The following ZNF814 variants were observed in gnomAD, a reference collection of about 807,000 sequenced individuals.
ZNF814 encodes the protein zinc finger protein 814.
Under a neutral mutation model 7.5 loss-of-function variants are expected in ZNF814, and 5 were observed. The observed-to-expected ratio is 0.67, with a 90% CI of 0.35 to 1.40. The LOEUF (loss-of-function observed/expected upper bound fraction) is 1.40. Ranked by LOEUF, ZNF814 falls within the 40% of genes most tolerant of loss-of-function variation. The pLI is 0.04. For synonymous variants in ZNF814, 315 were observed against 340.7 expected, an observed-to-expected ratio of 0.92 and a Z score of 0.83; for missense variants, 962 against 1,018.0, an observed-to-expected ratio of 0.94 and a Z score of 0.75.
At chr19:57,894,886 G>C in the ZNF814 span, among the ~76,000 whole-genome samples, 1 of 151,666 alleles carries the variant, frequency 6.6e-6, no homozygotes, top group Admixed American at 6.6e-5. Context: ...ATTGCTCATA[G>C]CTGTTAAATA....
rs189297818 is a variant in ZNF814, at chr19:57,873,090, G to A, written c.2300C>T (p.Thr767Ile). The change falls in exon 3 of 3, where the codon ACT becomes ATT. Residue 767 changes from threonine to isoleucine, a missense_variant. Thr to Ile is a moderately conservative substitution (Grantham distance 89, BLOSUM62 -1). Transcript: ENST00000435989. Reference protein sequence around the residue: ...STFCVHKRIHTGEKPYECSEC... With the variant: ...STFCVHKRIHIGEKPYECSEC... ...ACTGCACTCATAAGGCTTTTCTCCA[G>A]TGTGAATTCGCTTATGAACACAGAA... The A allele has an allele frequency of 2.5e-5, 41 of 1,613,718 alleles. No homozygotes were observed. The East Asian group carries it at 8.7e-4, about 34-fold the overall frequency.
upstream of ZNF814, among the ~76,000 whole-genome samples, chr19:57,889,948 T>C (rs2071725440): frequency 6.6e-6 from 1 of 152,240 alleles, no homozygotes; most frequent in African/African-American, 2.4e-5. Flanking sequence ...TGCCTCTCCT[T>C]AGAACTCACA....
At chr19:57,898,891 G>A in the ZNF814 span, among the ~76,000 whole-genome samples, 1 of 147,780 alleles carries the variant, frequency 6.8e-6, no homozygotes, top group African/African-American at 2.5e-5. Flanking sequence ...AGTGAGCTGA[G>A]ATCGTGCCAC....
chr19:57,901,152 A>C, the ZNF814 span, among the ~76,000 whole-genome samples: 1 of 152,066 alleles, frequency 6.6e-6, no homozygotes, highest in Non-Finnish European at 1.5e-5. Context: ...GCTGCATTTT[A>C]ACAGCAGTGA....
At chr19:57,905,061 A>AAC in the ZNF814 span, among the ~76,000 whole-genome samples, 1 of 149,334 alleles carries the variant, frequency 6.7e-6, no homozygotes, top group African/African-American at 2.5e-5. Flanking sequence ...AAAAAAAAAA[A>AAC]AAAAAAAAGC....
the ZNF814 span, among the ~76,000 whole-genome samples, chr19:57,897,455 G>A: frequency 2.0e-5 from 3 of 152,150 alleles, no homozygotes; most frequent in Non-Finnish European, 2.9e-5. Flanking sequence ...GAAAAGTCCC[G>A]ATGTATACCC....
chr19:57,900,102 T>A, the ZNF814 span, among the ~76,000 whole-genome samples: 1 of 152,214 alleles, frequency 6.6e-6, no homozygotes, highest in South Asian at 2.1e-4. Context: ...GGGCCATTAC[T>A]GTTTTTACTG....
rs745447304 is a variant in ZNF814 at position 57,873,351 on chromosome 19, T to G, written c.2039A>C (p.His680Pro). The G allele has an allele frequency of 8.8e-6, 14 of 1,597,516 alleles. No individual in the cohort carries two copies. The highest frequency in any genetic ancestry group is 1.2e-5 in the Non-Finnish European group (14 of 1,171,756). The change falls in exon 3 of 3, where the codon CAT becomes CCT. Residue 680 changes from histidine to proline, a missense_variant. Physicochemically the swap from His to Pro is moderately conservative, Grantham distance 77. Around this residue, in one of 7 missense-constraint regions of ZNF814, gnomAD observed 665 missense variants for 551.4 expected, o/e 1.21. Coordinates refer to ENST00000435989, the MANE Select transcript of ZNF814 (RefSeq NM_001144989.2). ...ATAAGGTCTTTCTCCAGTATGGCCATGCTGGTGTAGAATGAGGTTACCCTT... is the reference window on the plus strand; with the variant it reads ...ATAAGGTCTTTCTCCAGTATGGCCAGGCTGGTGTAGAATGAGGTTACCCTT... ...SHKGNLILHQ[H>P]GHTGERPYVC...
Sources: gnomAD v4.1 joint callset for allele counts (sites outside exome capture counted in the v4.1 genomes callset) on GRCh38, gnomAD v4.1.1 for gene constraint, gnomAD v4.1.1 regional missense constraint, MANE v1.5 for transcripts, NCBI Gene and HGNC (gene_info 2026-07-23, HGNC 2026-07-21) for gene names.